The following LY96 variants were observed in gnomAD, a reference collection of about 807,000 sequenced individuals.
LY96 encodes the protein lymphocyte antigen 96.
In LY96, 18 loss-of-function variants were observed where a neutral mutation model predicts 18.9. The ratio of observed to expected loss-of-function variants is 0.95; its 90% CI spans 0.66 to 1.41. LY96 has a LOEUF of 1.41. LY96 is among the 40% of genes most tolerant of loss of function. The pLI, the probability that LY96 is intolerant of heterozygous loss-of-function variation, is 0.00. For missense variants in LY96, 175 were observed against 182.4 expected (o/e 0.96, Z 0.23); for synonymous variants, 66 against 62.6 (o/e 1.06, Z -0.26).
At chr8:74,076,657 G>T in the LY96 span, among the ~76,000 whole-genome samples, 1 of 152,046 alleles carries the variant, frequency 6.6e-6, no homozygotes, top group African/African-American at 2.4e-5. Flanking sequence ...TGGGAATATA[G>T]ATACAGACTG....
intron 1 of LY96, among the ~76,000 whole-genome samples, chr8:74,002,730 C>G (rs1816323116): frequency 6.9e-6 from 1 of 145,456 alleles, no homozygotes; most frequent in South Asian, 2.3e-4. Context: ...TGCCACCACG[C>G]CCAGCTAATT....
the LY96 span, among the ~76,000 whole-genome samples, chr8:74,088,427 T>C: frequency 9.2e-5 from 14 of 152,078 alleles, no homozygotes; most frequent in Non-Finnish European, 1.3e-4. Context: ...TTCTGAGATG[T>C]TTTATGTCCC....
the LY96 span, among the ~76,000 whole-genome samples, chr8:74,080,994 CTT>C: frequency 5.8e-5 from 6 of 102,700 alleles, no homozygotes; most frequent in Admixed American, 2.0e-4. Flanking sequence ...CTCTTTCTTT[CTT>C]TCTTTCTTTC....
downstream of LY96, chr8:74,029,092 G>T: frequency 4.7e-6 from 6 of 1,280,230 alleles, no homozygotes; most frequent in South Asian, 1.2e-5. Context: ...TAAAGGTATT[G>T]TTCCTGTTTT....
At chr8:74,002,577 T>TTTA (rs1816319028) in intron 1 of LY96, among the ~76,000 whole-genome samples, 3 of 149,230 alleles carry the variant, frequency 2.0e-5, no homozygotes, top group Non-Finnish European at 3.0e-5. Context: ...TTATTTCTTT[T>TTTA]TTTTTTTTTT....
At chr8:74,047,982 T>C in the LY96 span, among the ~76,000 whole-genome samples, 1 of 152,134 alleles carries the variant, frequency 6.6e-6, no homozygotes, top group African/African-American at 2.4e-5. Flanking sequence ...CACTGCAGCT[T>C]TGACTTCCTT....
the LY96 span, among the ~76,000 whole-genome samples, chr8:74,055,332 C>G: frequency 1.3e-5 from 2 of 152,126 alleles, no homozygotes; most frequent in African/African-American, 4.8e-5. Flanking sequence ...GAGACCGGGT[C>G]TCCCTCTGTC....
At chr8:74,072,144 A>T in the LY96 span, among the ~76,000 whole-genome samples, 1 of 152,190 alleles carries the variant, frequency 6.6e-6, no homozygotes, top group African/African-American at 2.4e-5. Flanking sequence ...CCATCCATTG[A>T]TCTATATAAT....
chr8:74,081,711 T>C, the LY96 span, among the ~76,000 whole-genome samples: 1 of 152,064 alleles, frequency 6.6e-6, no homozygotes, highest in African/African-American at 2.4e-5. Flanking sequence ...TGGAGTGCAG[T>C]GGCATGATCT....
chr8:73,993,157 G>A (rs1051308354), intron 1 of LY96, among the ~76,000 whole-genome samples: 3 of 151,648 alleles, frequency 2.0e-5, no homozygotes, highest in Non-Finnish European at 4.4e-5. Flanking sequence ...CACCTTGCCC[G>A]GTTTATGCCA....
chr8:74,033,561 T>G (rs1817004079), downstream of LY96, among the ~76,000 whole-genome samples: 1 of 152,186 alleles, frequency 6.6e-6, no homozygotes, highest in Non-Finnish European at 1.5e-5. Flanking sequence ...CCCCTAGGAC[T>G]GATTCTAACT....
At chr8:74,015,351 G>A (rs558616005) in intron 3 of LY96, among the ~76,000 whole-genome samples, 7 of 152,256 alleles carry the variant, frequency 4.6e-5, no homozygotes, top group Admixed American at 3.3e-4. Context: ...CCAAGATAAC[G>A]AGGCCATGCT....
the LY96 span, among the ~76,000 whole-genome samples, chr8:74,062,083 A>G: frequency 2.6e-5 from 4 of 152,186 alleles, no homozygotes; most frequent in African/African-American, 9.7e-5. Context: ...AACAAATGGT[A>G]TCTCATTTTG....
At chr8:74,047,754 G>T in the LY96 span, among the ~76,000 whole-genome samples, 2 of 152,090 alleles carry the variant, frequency 1.3e-5, no homozygotes, top group Non-Finnish European at 2.9e-5. Context: ...TTTCTTTCTA[G>T]ACTGCTGTAG....
At chr8:74,024,547 A>G (rs1448972337) in intron 3 of LY96, among the ~76,000 whole-genome samples, 6 of 152,086 alleles carry the variant, frequency 3.9e-5, no homozygotes, top group Admixed American at 3.9e-4. Context: ...CTTAACATGT[A>G]TTAACTGGTA....
the LY96 span, among the ~76,000 whole-genome samples, chr8:74,075,251 T>C: frequency 2.0e-5 from 3 of 152,232 alleles, no homozygotes; most frequent in South Asian, 4.1e-4. Context: ...TAGACTTCTA[T>C]TGTGGCTTTA....
At chr8:74,015,164 A>G (rs1395087875) in intron 3 of LY96, among the ~76,000 whole-genome samples, 1 of 152,074 alleles carries the variant, frequency 6.6e-6, no homozygotes, top group Non-Finnish European at 1.5e-5. Context: ...CCGTGATTGC[A>G]CCACTGCACT....
chr8:74,056,510 A>C, the LY96 span: 1 of 159,100 alleles, frequency 6.3e-6, no homozygotes, highest in African/African-American at 2.4e-5. Flanking sequence ...AACATGCTAA[A>C]AAAGCCCAAG....
intron 2 of LY96, among the ~76,000 whole-genome samples, chr8:74,005,790 TAC>T (rs1164034437): frequency 6.6e-6 from 1 of 152,226 alleles, no homozygotes; most frequent in Non-Finnish European, 1.5e-5. Flanking sequence ...TCCTACCAGT[TAC>T]CAAACATTGT....
Sources: gnomAD v4.1 joint callset for allele counts (sites outside exome capture counted in the v4.1 genomes callset) on GRCh38, gnomAD v4.1.1 for gene constraint, MANE v1.5 for transcripts, NCBI Gene and HGNC (gene_info 2026-07-23, HGNC 2026-07-21) for gene names.